Variants in SOX5 observed in about 807,000 individuals in gnomAD.
SOX5 encodes the protein transcription factor SOX-5.
A neutral mutation model predicts 92.0 loss-of-function variants in SOX5; 9 were observed. The observed-to-expected ratio is 0.10, with a 90% confidence interval of 0.06 to 0.17. SOX5 has a LOEUF of 0.17. SOX5 is among the 10% of genes least tolerant of loss of function. The probability of loss-of-function intolerance (pLI) is 1.00; values close to 1 mark genes in which losing one functional copy is unlikely to be tolerated. For missense variants in SOX5, 642 were observed against 944.5 expected, an observed-to-expected ratio of 0.68 and a Z score of 4.20; for synonymous variants, 344 against 336.3, an observed-to-expected ratio of 1.02 and a Z score of -0.25.
intron 8 of SOX5, among the ~76,000 whole-genome samples, chr12:23,607,375 C>T (rs549565601): frequency 2.0e-5 from 3 of 152,284 alleles, no homozygotes. Context: ...TGCATTCTAA[C>T]TTGGCCATTT....
At chr12:24,309,330 T>C (rs1948942973) in intron 2 of SOX5, among the ~76,000 whole-genome samples, 1 of 152,222 alleles carries the variant, frequency 6.6e-6, no homozygotes, top group Admixed American at 6.5e-5. Context: ...TTTCTCTTCT[T>C]TCTAGCAGGT....
At chr12:24,074,539 TACC>T (rs2137491690) in intron 4 of SOX5, among the ~76,000 whole-genome samples, 1 of 142,030 alleles carries the variant, frequency 7.0e-6, no homozygotes, top group Non-Finnish European at 1.5e-5. Context: ...CTAATGTTTA[TACC>T]CAAACAGTAC....
chr12:24,160,019 A>T (rs920231488), intron 4 of SOX5, among the ~76,000 whole-genome samples: 1 of 152,054 alleles, frequency 6.6e-6, no homozygotes, highest in Non-Finnish European at 1.5e-5. Context: ...GAAAAGCACA[A>T]GCAGAATCTA....
intron 3 of SOX5, among the ~76,000 whole-genome samples, chr12:24,226,993 G>A (rs1410338576): frequency 6.6e-6 from 1 of 152,202 alleles, no homozygotes; most frequent in Non-Finnish European, 1.5e-5. Context: ...TTTAGCAAGA[G>A]CTTTTTCCTA....
intron 1 of SOX5, among the ~76,000 whole-genome samples, chr12:24,505,179 C>G (rs762074908): frequency 3.2e-4 from 49 of 152,096 alleles, no homozygotes; most frequent in Non-Finnish European, 1.2e-4. Context: ...TTTTAAGATT[C>G]AGAAATAATG....
At chr12:23,946,235 C>T (rs969448646) in intron 1 of SOX5, among the ~76,000 whole-genome samples, 3 of 152,074 alleles carry the variant, frequency 2.0e-5, no homozygotes, top group African/African-American at 2.4e-5. Flanking sequence ...GTGATACTAA[C>T]AACCTAATTT....
intron 5 of SOX5, among the ~76,000 whole-genome samples, chr12:23,737,848 T>C (rs1021887716): frequency 1.3e-5 from 2 of 152,196 alleles, no homozygotes; most frequent in South Asian, 4.1e-4. Context: ...ACTCCTACAC[T>C]TCCTACAGGT....
intron 4 of SOX5, among the ~76,000 whole-genome samples, chr12:23,747,546 T>C (rs1567436602): frequency 6.6e-6 from 1 of 152,156 alleles, no homozygotes; most frequent in Non-Finnish European, 1.5e-5. Context: ...AATATGCTTC[T>C]ATGAGTTCCT....
At chr12:23,625,766 C>T (rs545582171) in intron 8 of SOX5, among the ~76,000 whole-genome samples, 115 of 152,196 alleles carry the variant, frequency 7.6e-4, no homozygotes, top group Middle Eastern at 3.4e-3. Flanking sequence ...CCTGCCACCA[C>T]GCCGGCTAAT....
chr12:23,790,922 C>T (rs892201320), intron 3 of SOX5, among the ~76,000 whole-genome samples: 7 of 152,136 alleles, frequency 4.6e-5, no homozygotes, highest in Non-Finnish European at 8.8e-5. Flanking sequence ...AAAATGTTGC[C>T]TACATTCTTG....
chr12:24,038,176 C>T (rs926311046), intron 4 of SOX5, among the ~76,000 whole-genome samples: 1 of 152,150 alleles, frequency 6.6e-6, no homozygotes, highest in Non-Finnish European at 1.5e-5. Context: ...CCCAAATAAA[C>T]CTTTCTTCCA....
At chr12:24,016,737 C>T (rs1392777883) in intron 4 of SOX5, among the ~76,000 whole-genome samples, 1 of 152,188 alleles carries the variant, frequency 6.6e-6, no homozygotes, top group Non-Finnish European at 1.5e-5. Flanking sequence ...TTGCATAGGA[C>T]TACCAACCTT....
intron 2 of SOX5, among the ~76,000 whole-genome samples, chr12:23,860,448 G>C (rs1207493499): frequency 6.6e-6 from 1 of 152,154 alleles, no homozygotes; most frequent in Non-Finnish European, 1.5e-5. Flanking sequence ...TTGAAACAAT[G>C]ATTATGGTAT....
At chr12:23,819,589 C>A (rs1343316169) in intron 3 of SOX5, among the ~76,000 whole-genome samples, 1 of 152,076 alleles carries the variant, frequency 6.6e-6, no homozygotes, top group African/African-American at 2.4e-5. Context: ...TCCCCCCACT[C>A]CCCGACAGGC....
At chr12:24,207,810 C>T (rs1248960184) in intron 4 of SOX5, among the ~76,000 whole-genome samples, 1 of 152,174 alleles carries the variant, frequency 6.6e-6, no homozygotes, top group East Asian at 1.9e-4. Flanking sequence ...AAGGAGGCAA[C>T]TTTCAGCATC....
Position 23,711,515 on chromosome 12 carries a change from T to C in SOX5, c.810+23169A>G, listed in dbSNP as rs73282026. Among the ~76,000 whole-genome samples, 1,006 of 152,318 alleles carry C rather than the reference T, an allele frequency of 6.6e-3. 16 individuals carry two copies. Among genetic ancestry groups the C allele is most frequent in the African/African-American group, 0.023 (974 of 41,582 alleles). On this transcript the variant is annotated intron_variant, in intron 6 of 14. Coordinates refer to ENST00000451604, the MANE Select transcript of SOX5 (RefSeq NM_006940.6). ...GTATATCTTTGAAGCAAAAATGTAT[T>C]ATTAATAACATTTGAGATTAATAGC...
chr12:23,981,625 T>A (rs1430383016), intron 4 of SOX5, among the ~76,000 whole-genome samples: 1 of 152,194 alleles, frequency 6.6e-6, no homozygotes, highest in Non-Finnish European at 1.5e-5. Flanking sequence ...AAAAATTGAA[T>A]GTGGCCTCTA....
At chr12:23,811,118 C>A (rs2095868627) in intron 3 of SOX5, among the ~76,000 whole-genome samples, 1 of 152,040 alleles carries the variant, frequency 6.6e-6, no homozygotes, top group African/African-American at 2.4e-5. Flanking sequence ...TTCTTATGAA[C>A]ACAAGTGTAT....
chr12:24,281,947 T>C (rs1945256013), intron 2 of SOX5, among the ~76,000 whole-genome samples: 6 of 152,048 alleles, frequency 3.9e-5, no homozygotes, highest in Admixed American at 2.6e-4. Flanking sequence ...AGAGGAAAAC[T>C]GTGTTCCTCG....
Sources: allele counts gnomAD v4.1 joint callset (sites outside exome capture counted in the v4.1 genomes callset), GRCh38; gene constraint gnomAD v4.1.1; transcripts MANE v1.5; gene names NCBI Gene and HGNC (gene_info 2026-07-23, HGNC 2026-07-21).